ACTR3C: variants seen among roughly 807,000 people sequenced by gnomAD.
The protein encoded by ACTR3C is actin related protein 3C, also known as actin-related protein 3C.
In ACTR3C, 18 loss-of-function variants were observed where a neutral mutation model predicts 26.3. The ratio of observed to expected loss-of-function variants is 0.68; its 90% CI spans 0.47 to 1.01. The LOEUF (loss-of-function observed/expected upper bound fraction) is 1.01. ACTR3C is among the 50% of genes least tolerant of loss of function. ACTR3C has a pLI of 0.00. For synonymous variants in ACTR3C, 55 were observed against 94.5 expected (o/e 0.58, Z 2.42); for missense variants, 184 against 250.7 (o/e 0.73, Z 1.80).
chr7:150,255,242 A>ATTTTTTTTTTTTTTTTTTTT (rs745713614), intron 6 of ACTR3C, among the ~76,000 whole-genome samples: 1 of 85,598 alleles, frequency 1.2e-5, no homozygotes, highest in Non-Finnish European at 2.3e-5. Context: ...TTTGTAGGGG[A>ATTTTTTTTTTTTTTTTTTTT]TTTTTTTTTT....
chr7:149,959,829 A>T, the ACTR3C span, among the ~76,000 whole-genome samples: 1 of 152,202 alleles, frequency 6.6e-6, no homozygotes, highest in Non-Finnish European at 1.5e-5. Context: ...TGTCCCCCTA[A>T]AGTTCTCTTC....
the ACTR3C span, among the ~76,000 whole-genome samples, chr7:150,113,760 A>G: frequency 6.6e-6 from 1 of 152,314 alleles, no homozygotes; most frequent in Non-Finnish European, 1.5e-5. Flanking sequence ...CTTACTTTCT[A>G]AACAGTCTAT....
At chr7:150,196,863 C>T in the ACTR3C span, among the ~76,000 whole-genome samples, 1 of 152,166 alleles carries the variant, frequency 6.6e-6, no homozygotes, top group Non-Finnish European at 1.5e-5. Flanking sequence ...TCTTTGTCCT[C>T]GGCTTCAGCC....
the ACTR3C span, among the ~76,000 whole-genome samples, chr7:150,089,670 C>T: frequency 4.4e-3 from 669 of 152,132 alleles, 6 homozygotes; most frequent in African/African-American, 0.015. Context: ...GGTGCTGCCA[C>T]GCCCAGATGA....
At chr7:149,983,019 G>A in the ACTR3C span, among the ~76,000 whole-genome samples, 6 of 152,240 alleles carry the variant, frequency 3.9e-5, no homozygotes, top group Admixed American at 2.0e-4. Context: ...AATAATACAC[G>A]ATGGGAAAAT....
At chr7:150,041,806 C>CT in the ACTR3C span, among the ~76,000 whole-genome samples, 5 of 123,866 alleles carry the variant, frequency 4.0e-5, no homozygotes, top group Non-Finnish European at 3.4e-5. Flanking sequence ...TGCCTCCCCC[C>CT]CTGCGATGGG....
At chr7:149,976,590 A>AAT in the ACTR3C span, among the ~76,000 whole-genome samples, 2 of 126,334 alleles carry the variant, frequency 1.6e-5, no homozygotes, top group Non-Finnish European at 3.2e-5. Context: ...AAAAAAAAAA[A>AAT]GAGAGAGAGA....
At chr7:150,126,012 A>G in the ACTR3C span, among the ~76,000 whole-genome samples, 128 of 152,284 alleles carry the variant, frequency 8.4e-4, 5 homozygotes, top group South Asian at 0.024. Flanking sequence ...GTGCAGCAAA[A>G]TAAACAGCTG....
the ACTR3C span, among the ~76,000 whole-genome samples, chr7:150,231,869 A>T: frequency 1.3e-5 from 2 of 152,018 alleles, no homozygotes; most frequent in Non-Finnish European, 2.9e-5. Context: ...TTATTATATA[A>T]ATGTCAATTA....
chr7:150,291,757 C>T (rs1262999102), intron 3 of ACTR3C, among the ~76,000 whole-genome samples: 1 of 151,954 alleles, frequency 6.6e-6, no homozygotes, highest in African/African-American at 2.4e-5. Flanking sequence ...CAGCGCAGTT[C>T]TCTGAGGAAA....
At chr7:150,305,601 AT>A (rs888576909) in intron 1 of ACTR3C, among the ~76,000 whole-genome samples, 2 of 152,172 alleles carry the variant, frequency 1.3e-5, no homozygotes, top group Admixed American at 1.3e-4. Context: ...CAGGATTTAT[AT>A]TCAAAAAGTT....
the ACTR3C span, among the ~76,000 whole-genome samples, chr7:150,038,619 C>T: frequency 1.4e-5 from 2 of 145,306 alleles, 1 homozygote; most frequent in African/African-American, 5.3e-5. Flanking sequence ...CTTTCTGTTC[C>T]CGAGCTGCGT....
chr7:150,230,202 G>A, the ACTR3C span, among the ~76,000 whole-genome samples: 1 of 151,884 alleles, frequency 6.6e-6, no homozygotes, highest in Non-Finnish European at 1.5e-5. Flanking sequence ...TCCAGTCTGG[G>A]TCACAGGGCA....
chr7:149,961,285 A>G, the ACTR3C span, among the ~76,000 whole-genome samples: 2 of 152,028 alleles, frequency 1.3e-5, no homozygotes, highest in Non-Finnish European at 2.9e-5. Flanking sequence ...ATATCATAGT[A>G]AGTGTGGGCT....
the ACTR3C span, among the ~76,000 whole-genome samples, chr7:150,186,385 G>A: frequency 2.6e-5 from 4 of 152,156 alleles, no homozygotes; most frequent in Non-Finnish European, 5.9e-5. Flanking sequence ...CAAACAGAAA[G>A]TTACAAGGAG....
intron 6 of ACTR3C, among the ~76,000 whole-genome samples, chr7:150,266,056 T>C (rs1353718610): frequency 1.7e-5 from 2 of 120,432 alleles, no homozygotes; most frequent in South Asian, 3.4e-4. Flanking sequence ...CTTTAAGGCA[T>C]TTTTTTTCTC....
At chr7:149,898,040 T>C in the ACTR3C span, among the ~76,000 whole-genome samples, 275 of 152,256 alleles carry the variant, frequency 1.8e-3, 3 homozygotes, top group East Asian at 0.041. Flanking sequence ...CTCAAAGATA[T>C]CAAATTATAA....
the ACTR3C span, among the ~76,000 whole-genome samples, chr7:149,906,234 G>A: frequency 1.3e-5 from 2 of 152,012 alleles, no homozygotes; most frequent in African/African-American, 4.8e-5. Flanking sequence ...AAATGGAGTA[G>A]AAACACAACC....
the ACTR3C span, among the ~76,000 whole-genome samples, chr7:149,915,998 G>A: frequency 1.9e-4 from 28 of 149,764 alleles, no homozygotes; most frequent in Admixed American, 4.7e-4. Flanking sequence ...TAGCTTGAAA[G>A]TGCTTGAAAA....
Sources: allele counts gnomAD v4.1 joint callset (sites outside exome capture counted in the v4.1 genomes callset), GRCh38; gene constraint gnomAD v4.1.1; transcripts MANE v1.5; gene names NCBI Gene and HGNC (gene_info 2026-07-23, HGNC 2026-07-21).